The following DHX35 variants were observed in gnomAD, a reference collection of about 807,000 sequenced individuals.
DHX35 encodes probable ATP-dependent RNA helicase DHX35.
Under a neutral mutation model 99.6 loss-of-function variants are expected in DHX35, and 84 were observed. The observed-to-expected ratio is 0.84, with a 90% CI of 0.71 to 1.01. The LOEUF (loss-of-function observed/expected upper bound fraction) is 1.01, where lower values mean the gene tolerates loss of function less well. Among genes scored for constraint, DHX35 ranks in the 50% least tolerant of loss-of-function variants. The probability of loss-of-function intolerance (pLI) is 0.00; values close to 1 mark genes in which losing one functional copy is unlikely to be tolerated. For synonymous variants in DHX35, 331 were observed against 316.2 expected (o/e 1.05, Z -0.50); for missense variants, 852 against 888.5 (o/e 0.96, Z 0.52).
chr20:39,004,183 C>G (rs1233894504), intron 11 of DHX35, among the ~76,000 whole-genome samples: 2 of 152,180 alleles, frequency 1.3e-5, no homozygotes, highest in Admixed American at 1.3e-4. Flanking sequence ...CTGCCTCAGC[C>G]TCCTGAGTAG....
intron 12 of DHX35, among the ~76,000 whole-genome samples, chr20:39,007,741 G>A (rs1032445861): frequency 2.6e-5 from 4 of 152,134 alleles, no homozygotes. Context: ...TTCACAGAAG[G>A]GAGGGAATAG....
At chr20:38,966,435 C>T (rs754304441) in intron 1 of DHX35, among the ~76,000 whole-genome samples, 2 of 152,138 alleles carry the variant, frequency 1.3e-5, no homozygotes, top group Non-Finnish European at 2.9e-5. Context: ...TTCGGGAGGT[C>T]GAGGTGGGTG....
intron 3 of DHX35, among the ~76,000 whole-genome samples, chr20:38,982,222 T>C (rs1468936598): frequency 2.0e-5 from 3 of 152,234 alleles, no homozygotes; most frequent in Non-Finnish European, 4.4e-5. Flanking sequence ...AGCTTAGTCC[T>C]TATCATCTAC....
chr20:38,969,085 A>C lies in DHX35; in HGVS notation c.45A>C (p.Thr15=). 1 of 1,604,346 alleles carries C rather than the reference A, an allele frequency of 6.2e-7. No homozygotes were observed. The highest frequency in any genetic ancestry group is 8.5e-7 in the Non-Finnish European group (1 of 1,175,266). The change falls in exon 2 of 22, where the codon ACA becomes ACC. Residue 15 remains threonine (T), a synonymous_variant. Coordinates refer to ENST00000252011, the MANE Select transcript of DHX35 (RefSeq NM_021931.4). ...VGPVKFWRPG[T]EGPGVSISEE... Reference sequence around the variant, plus strand: ...AAAAAAACATTTCTGCTGCAGGTACAGAGGGGCCAGGTGTAAGCATCTCTG... The same window carrying C: ...AAAAAAACATTTCTGCTGCAGGTACCGAGGGGCCAGGTGTAAGCATCTCTG...
chr20:38,965,378 C>CTA (rs2085895921), intron 1 of DHX35, among the ~76,000 whole-genome samples: 1 of 152,196 alleles, frequency 6.6e-6, no homozygotes, highest in Non-Finnish European at 1.5e-5. Context: ...TAAGGCTAGA[C>CTA]ATTCAAATCA....
intron 4 of DHX35, among the ~76,000 whole-genome samples, chr20:38,986,188 AT>A (rs56980978): frequency 0.36 from 52,035 of 143,284 alleles, 9,187 homozygotes; most frequent in Middle Eastern, 0.52. Context: ...GTGCTCAGTG[AT>A]TTTTTTTTTT....
rs150651904 is a variant in DHX35 at position 39,001,956 on chromosome 20, T to A, written c.755+114T>A. The A allele has an allele frequency of 4.6e-6, 4 of 863,554 alleles. No individual in the cohort carries two copies. The South Asian group carries it at 5.8e-5, about 12-fold the overall frequency. 53.5% of individuals were successfully genotyped at this position (863,554 alleles called of 1,614,324 possible). ...AAAGGATGGGGAGGAGCATGTTTTG[T>A]GTCCCTAGTCATTGGTCTAGAATGT... On this transcript the variant is annotated intron_variant, in intron 9 of 21. Transcript: ENST00000252011.
chr20:38,972,376 G>T (rs185791762), intron 2 of DHX35, among the ~76,000 whole-genome samples, 183 bp from the exon 3 acceptor site: 99 of 152,292 alleles, frequency 6.5e-4, no homozygotes, highest in African/African-American at 2.3e-3. Flanking sequence ...GTGTTAACAC[G>T]ATTGCAGTTG....
In DHX35 at chr20:38,983,763, T is replaced by C; in HGVS notation, c.332T>C (p.Val111Ala). The C allele has an allele frequency of 6.2e-7, 1 of 1,613,616 alleles. No individual in the cohort carries two copies. The highest frequency in any genetic ancestry group is 8.5e-7 in the Non-Finnish European group (1 of 1,179,768). Residue 111 changes from valine to alanine, a missense_variant, in exon 4 of 22, where the codon GTG becomes GCG. Coordinates refer to ENST00000252011, the MANE Select transcript of DHX35 (RefSeq NM_021931.4). ...RVVGVTQPRR[V>A]AAVTVAGRVA... is the part of the protein sequence containing the mutation. ...GTAGGAGTGACCCAGCCTCGAAGAGTGGCTGCTGTTACAGTGAGTTTCTTT... is the reference window on the plus strand; with the variant it reads ...GTAGGAGTGACCCAGCCTCGAAGAGCGGCTGCTGTTACAGTGAGTTTCTTT...
intron 8 of DHX35, among the ~76,000 whole-genome samples, chr20:38,995,416 T>A (rs1378097701): frequency 1.3e-5 from 2 of 151,872 alleles, no homozygotes; most frequent in African/African-American, 4.8e-5. Flanking sequence ...CCCAGCTACT[T>A]GGGAGGCTGA....
chr20:38,997,514 C>T (rs975321435), intron 8 of DHX35, among the ~76,000 whole-genome samples: 5 of 152,122 alleles, frequency 3.3e-5, no homozygotes, highest in Admixed American at 6.6e-5. Flanking sequence ...ATTTTGTAAG[C>T]GGGAAGACAG....
At chr20:38,989,963 A>G (rs1284070702) in intron 5 of DHX35, among the ~76,000 whole-genome samples, 2 of 152,254 alleles carry the variant, frequency 1.3e-5, no homozygotes, top group Non-Finnish European at 2.9e-5. Flanking sequence ...CAACAGAGGA[A>G]AATTGAAAAT....
intron 6 of DHX35, 103 bp downstream of exon 6, chr20:38,991,618 G>T: frequency 1.0e-6 from 1 of 974,794 alleles, no homozygotes. Context: ...GTGTTCAGCT[G>T]CCCCAAAGCT....
intron 1 of DHX35, among the ~76,000 whole-genome samples, chr20:38,964,651 A>G (rs2085884589): frequency 6.6e-6 from 1 of 152,094 alleles, no homozygotes; most frequent in Admixed American, 6.6e-5. Flanking sequence ...GGATGATCTC[A>G]ATCTTTTGAT....
At chr20:38,967,090 A>G (rs557162146) in intron 1 of DHX35, among the ~76,000 whole-genome samples, 4 of 152,318 alleles carry the variant, frequency 2.6e-5, no homozygotes, top group African/African-American at 9.6e-5. Context: ...GAAAAGGGTC[A>G]GAGATCTAAA....
chr20:39,028,394 CCT>C (rs754121704), intron 18 of DHX35, 22 bp from the exon 19 acceptor site: 4 of 1,613,556 alleles, frequency 2.5e-6, no homozygotes, highest in Non-Finnish European at 3.4e-6. Flanking sequence ...GTTTCACCCG[CCT>C]CTCTGTTGGC....
At chr20:38,985,763 G>A (rs532079856) in intron 4 of DHX35, among the ~76,000 whole-genome samples, 6 of 152,300 alleles carry the variant, frequency 3.9e-5, no homozygotes, top group Admixed American at 1.3e-4. Flanking sequence ...TTCCAAATTT[G>A]TAGCCATGGA....
intron 8 of DHX35, among the ~76,000 whole-genome samples, chr20:39,000,755 A>G (rs1266697972): frequency 6.6e-6 from 1 of 152,130 alleles, no homozygotes; most frequent in Non-Finnish European, 1.5e-5. Context: ...CAAGCTTTGT[A>G]GTTATGTAGC....
intron 4 of DHX35, among the ~76,000 whole-genome samples, chr20:38,987,499 G>T (rs914174470): frequency 6.6e-6 from 1 of 152,156 alleles, no homozygotes; most frequent in Non-Finnish European, 1.5e-5. Flanking sequence ...CTCCCAAAGT[G>T]CTGGGATTGT....
Sources: allele counts gnomAD v4.1 joint callset (sites outside exome capture counted in the v4.1 genomes callset), GRCh38; gene constraint gnomAD v4.1.1; transcripts MANE v1.5; gene names NCBI Gene and HGNC (gene_info 2026-07-23, HGNC 2026-07-21).